The following ADGRB3 variants were observed in gnomAD, a reference collection of about 807,000 sequenced individuals.
The protein encoded by ADGRB3 is brain-specific angiogenesis inhibitor 3.
A neutral mutation model predicts 193.4 loss-of-function variants in ADGRB3; 37 were observed. That is an observed-to-expected ratio of 0.19 (90% CI 0.15 to 0.25). The LOEUF (loss-of-function observed/expected upper bound fraction) is 0.25, where lower values mean the gene tolerates loss of function less well. Among genes scored for constraint, ADGRB3 ranks in the 10% least tolerant of loss-of-function variants. The pLI is 1.00. For missense variants in ADGRB3, 1,637 were observed against 1,852.9 expected (o/e 0.88, Z 2.14); for synonymous variants, 690 against 644.2 (o/e 1.07, Z -1.08).
intron 3 of ADGRB3, among the ~76,000 whole-genome samples, chr6:68,831,330 A>C (rs1385326221): frequency 6.8e-6 from 1 of 147,224 alleles, no homozygotes; most frequent in Non-Finnish European, 1.5e-5. Flanking sequence ...AAAAAAGCTG[A>C]TTTTACTGGT....
chr6:69,146,824 T>TTA (rs1722564603), intron 17 of ADGRB3, among the ~76,000 whole-genome samples: 1 of 114,534 alleles, frequency 8.7e-6, no homozygotes, highest in African/African-American at 3.0e-5. Flanking sequence ...ATTACTTCTT[T>TTA]TTTTTTTTTT....
chr6:69,358,055 C>T (rs895024162), intron 28 of ADGRB3, among the ~76,000 whole-genome samples: 1 of 151,876 alleles, frequency 6.6e-6, no homozygotes, highest in East Asian at 1.9e-4. Context: ...AATCTTCCAC[C>T]TTCAGTGTTG....
At chr6:69,064,170 C>A (rs1383185015) in intron 16 of ADGRB3, among the ~76,000 whole-genome samples, 1 of 151,934 alleles carries the variant, frequency 6.6e-6, no homozygotes, top group Non-Finnish European at 1.5e-5. Flanking sequence ...ATCACCTTTT[C>A]TGTGAATCAC....
intron 29 of ADGRB3, among the ~76,000 whole-genome samples, chr6:69,372,202 A>C (rs965605677): frequency 1.3e-5 from 2 of 152,068 alleles, no homozygotes; most frequent in South Asian, 4.1e-4. Context: ...GTTCAAAGTG[A>C]AAATAGAAAA....
rs1402921928 is a variant in ADGRB3 at position 68,749,406 on chromosome 6, A to ATGTGTG, written c.757+109975_757+109976insGTGTGT. ...AATAAACTCCCCTTTATATATATAT[A>ATGTGTG]TATGTGTGTGTGTGTGTGTGTGTGT... On this transcript the variant is annotated intron_variant, in intron 3 of 31. Transcript: ENST00000370598. Among the ~76,000 whole-genome samples the ATGTGTG allele has an allele frequency of 8.4e-3, 847 of 101,058 alleles. 5 individuals are homozygous for ATGTGTG. Among genetic ancestry groups the ATGTGTG allele is most frequent in the African/African-American group, 0.03 (764 of 25,462 alleles). 66.3% of individuals were successfully genotyped at this position (101,058 alleles called of 152,430 possible).
In ADGRB3 at chr6:69,040,073, T is replaced by A. The variant is rs1298279326; in HGVS notation, c.2108-8112T>A. Among the ~76,000 whole-genome samples the A allele has an allele frequency of 2.6e-5, 4 of 152,224 alleles. No individual in the cohort carries two copies. In the East Asian group the frequency reaches 7.7e-4, roughly 29 times the overall value. ...TCGTTTTGAGATAATTATATTTATA[T>A]ATGAGGATCAATAATGAGAGTGGTG... On this transcript the variant is annotated intron_variant, in intron 13 of 31. Transcript: ENST00000370598.
At position 68,758,113 on chromosome 6, in the gene ADGRB3, C is replaced by A. The variant is rs536309780; in HGVS notation, c.757+118681C>A. On this transcript the variant is annotated intron_variant, in intron 3 of 31. Transcript: ENST00000370598. ...ATAACCTTAGGGGAGCTGTTTAATT[C>A]TTTTAAGCCTCATTTATTCATCTGT... Among the ~76,000 whole-genome samples, 10 of 152,138 alleles carry A rather than the reference C, an allele frequency of 6.6e-5. No homozygotes were observed. The South Asian group carries it at 1.9e-3, about 28-fold the overall frequency.
intron 17 of ADGRB3, among the ~76,000 whole-genome samples, chr6:69,108,675 A>AT (rs1052036622): frequency 6.6e-6 from 1 of 152,068 alleles, no homozygotes; most frequent in Non-Finnish European, 1.5e-5. Flanking sequence ...TCAAGAAGAC[A>AT]TTTTTTTAGT....
At chr6:69,325,759 G>T (rs932553629) in intron 21 of ADGRB3, among the ~76,000 whole-genome samples, 1 of 152,220 alleles carries the variant, frequency 6.6e-6, no homozygotes, top group Admixed American at 6.5e-5. Flanking sequence ...TTACAAATAA[G>T]TGTGCTTATA....
At chr6:68,791,050 A>AT (rs1554194902) in intron 3 of ADGRB3, among the ~76,000 whole-genome samples, 4 of 113,764 alleles carry the variant, frequency 3.5e-5, no homozygotes, top group Non-Finnish European at 1.8e-5. Flanking sequence ...CACATCTCTT[A>AT]AAAAAAAAAA....
chr6:68,900,800 C>T (rs1321723056), intron 3 of ADGRB3, among the ~76,000 whole-genome samples: 1 of 152,128 alleles, frequency 6.6e-6, no homozygotes, highest in Non-Finnish European at 1.5e-5. Flanking sequence ...GAACCATTTC[C>T]ATCATAGAAG....
intron 17 of ADGRB3, among the ~76,000 whole-genome samples, chr6:69,125,930 C>A (rs1773837830): frequency 6.6e-6 from 1 of 152,074 alleles, no homozygotes; most frequent in South Asian, 2.1e-4. Context: ...TGTTGTATGC[C>A]ATTTCAGTGA....
chr6:68,700,516 C>A (rs1379140182), intron 3 of ADGRB3, among the ~76,000 whole-genome samples: 1 of 152,048 alleles, frequency 6.6e-6, no homozygotes, highest in Non-Finnish European at 1.5e-5. Flanking sequence ...GCCATTAAAA[C>A]AATACCAAAT....
chr6:68,677,513 C>A (rs12213500), intron 3 of ADGRB3, among the ~76,000 whole-genome samples: 2 of 128,192 alleles, frequency 1.6e-5, no homozygotes, highest in African/African-American at 2.8e-5. Flanking sequence ...TCTTTTTTTT[C>A]TTTTTTTCTT....
chr6:68,947,242 ATG>A (rs1767797645), intron 6 of ADGRB3, among the ~76,000 whole-genome samples: 1 of 151,872 alleles, frequency 6.6e-6, no homozygotes, highest in Non-Finnish European at 1.5e-5. Context: ...TTGTGTGTGT[ATG>A]TGTGTGTTCA....
chr6:69,360,811 T>C, intron 28 of ADGRB3, 58 bp from the exon 29 acceptor site: 1 of 1,461,118 alleles, frequency 6.8e-7, no homozygotes, highest in Non-Finnish European at 9.2e-7. Context: ...CATAATATAA[T>C]AATGAAAAAT....
chr6:69,223,162 G>C (rs1279352924), intron 17 of ADGRB3, among the ~76,000 whole-genome samples: 1 of 151,938 alleles, frequency 6.6e-6, no homozygotes, highest in Non-Finnish European at 1.5e-5. Context: ...TAAGAATATC[G>C]TTTCACTCAA....
chr6:69,074,425 G>A (rs895677156), intron 16 of ADGRB3, among the ~76,000 whole-genome samples: 1 of 151,928 alleles, frequency 6.6e-6, no homozygotes, highest in Non-Finnish European at 1.5e-5. Context: ...ACACTCCAGT[G>A]ATTGTCTATA....
chr6:69,218,134 A>G (rs1197854956), intron 17 of ADGRB3, among the ~76,000 whole-genome samples: 2 of 152,080 alleles, frequency 1.3e-5, no homozygotes, highest in African/African-American at 2.4e-5. Flanking sequence ...AAAAAAGACA[A>G]AAAAAGAAGT....
Sources: allele counts gnomAD v4.1 joint callset (sites outside exome capture counted in the v4.1 genomes callset), GRCh38; gene constraint gnomAD v4.1.1; transcripts MANE v1.5; gene names NCBI Gene and HGNC (gene_info 2026-07-23, HGNC 2026-07-21).